Variants in NEDD9 observed in about 807,000 individuals in gnomAD.
NEDD9 encodes the protein enhancer of filamentation 1.
NEDD9 carries 26 observed loss-of-function variants against 76.6 expected under a neutral mutation model. The ratio of observed to expected loss-of-function variants is 0.34; its 90% CI spans 0.25 to 0.47. The LOEUF (loss-of-function observed/expected upper bound fraction) is 0.47. Ranked by LOEUF, NEDD9 falls within the 20% of genes least tolerant of loss-of-function variation. The pLI is 1.00. For synonymous variants in NEDD9, 392 were observed against 414.2 expected (o/e 0.95, Z 0.65); for missense variants, 937 against 1,058.5 (o/e 0.89, Z 1.59).
chr6:11,233,779 T>C (rs997153799), upstream of NEDD9, among the ~76,000 whole-genome samples: 13 of 152,140 alleles, frequency 8.5e-5, no homozygotes, highest in African/African-American at 2.9e-4. Flanking sequence ...AAAAATTCCT[T>C]TTTCCCGGGC....
intron 1 of NEDD9, among the ~76,000 whole-genome samples, chr6:11,339,795 C>A (rs1238862420): frequency 6.6e-6 from 1 of 152,192 alleles, no homozygotes; most frequent in South Asian, 2.1e-4. Flanking sequence ...ATTTCTAGAA[C>A]CTTTCTTAAA....
chr6:11,347,357 G>A (rs1762381919), intron 1 of NEDD9, among the ~76,000 whole-genome samples: 1 of 152,152 alleles, frequency 6.6e-6, no homozygotes, highest in African/African-American at 2.4e-5. Context: ...GATGTACAAA[G>A]AAGAGCTGGT....
chr6:11,256,729 G>T (rs968864838), intron 3 of NEDD9, among the ~76,000 whole-genome samples: 1 of 152,196 alleles, frequency 6.6e-6, no homozygotes, highest in Non-Finnish European at 1.5e-5. Context: ...CTCCCAAAGT[G>T]CTGGGATTAC....
intron 3 of NEDD9, among the ~76,000 whole-genome samples, chr6:11,273,919 A>G (rs1561812986): frequency 6.6e-6 from 1 of 152,202 alleles, no homozygotes. Flanking sequence ...TCCCAAGTCG[A>G]GCAAAGAAAT....
chr6:11,185,708 G>A (rs1320937648), intron 6 of NEDD9, 37 bp from the exon 7 acceptor site: 6 of 1,606,680 alleles, frequency 3.7e-6, no homozygotes, highest in African/African-American at 2.7e-5. Flanking sequence ...ATTAGAGCAA[G>A]GGAGTGTGTT....
chr6:11,310,266 C>A (rs774457023), intron 2 of NEDD9, among the ~76,000 whole-genome samples: 27 of 152,176 alleles, frequency 1.8e-4, no homozygotes, highest in Non-Finnish European at 2.8e-4. Context: ...GGGGCATGAG[C>A]AGGCCTCTTC....
intron 1 of NEDD9, among the ~76,000 whole-genome samples, chr6:11,381,145 C>T (rs1214055480): frequency 6.6e-6 from 1 of 152,198 alleles, no homozygotes; most frequent in African/African-American, 2.4e-5. Context: ...CGAAAGTAAC[C>T]AAGCTTGGAA....
At chr6:11,226,982 T>G in intron 1 of NEDD9, among the ~76,000 whole-genome samples, 1 of 152,320 alleles carries the variant, frequency 6.6e-6, no homozygotes, top group African/African-American at 2.4e-5. Context: ...GCCCATGTTT[T>G]TTGTTGTTGT....
chr6:11,319,488 A>C (rs1279033654), intron 2 of NEDD9, among the ~76,000 whole-genome samples: 1 of 149,270 alleles, frequency 6.7e-6, no homozygotes, highest in Non-Finnish European at 1.5e-5. Context: ...ACAAGCAAAT[A>C]ATCACACACT....
At position 11,372,749 on chromosome 6, in the gene NEDD9, T is replaced by C. The variant is rs561455326; in HGVS notation, c.-214+9390A>G. ...TGATTTGCATTTCTCTGAGGATCAG[T>C]GATGTTGAGCACCTATTCATATACC... On this transcript the variant is annotated intron_variant, in intron 1 of 3. Transcript: ENST00000397378. Among the ~76,000 whole-genome samples the C allele has an allele frequency of 2.0e-3, 301 of 152,348 alleles. 1 individual carries two copies. The highest frequency in any genetic ancestry group is 3.4e-3 in the Non-Finnish European group (229 of 68,028).
At chr6:11,349,748 AAC>A (rs1762429233) in intron 1 of NEDD9, among the ~76,000 whole-genome samples, 1 of 152,188 alleles carries the variant, frequency 6.6e-6, no homozygotes, top group African/African-American at 2.4e-5. Flanking sequence ...GTGGGGAAAC[AAC>A]ACACACTGGG....
upstream of NEDD9, among the ~76,000 whole-genome samples, chr6:11,236,852 A>G (rs1011209779): frequency 5.9e-5 from 9 of 152,222 alleles, no homozygotes; most frequent in Admixed American, 5.2e-4. This position sits in a 1 kb window ranked among gnomAD's most constrained non-coding sequence, Gnocchi z 5.5. Flanking sequence ...TTAACAAGCA[A>G]AATCTGGACA....
At chr6:11,217,479 T>C (rs966824499) in intron 1 of NEDD9, among the ~76,000 whole-genome samples, 1 of 152,238 alleles carries the variant, frequency 6.6e-6, no homozygotes, top group Non-Finnish European at 1.5e-5. Context: ...AAGAGAGCTA[T>C]GTAACTCTAT....
chr6:11,327,050 G>C (rs1346654035), intron 2 of NEDD9, among the ~76,000 whole-genome samples: 1 of 152,176 alleles, frequency 6.6e-6, no homozygotes, highest in African/African-American at 2.4e-5. Flanking sequence ...TTTCTTTTGA[G>C]AGCGACAGGG....
chr6:11,364,020 T>C (rs759222254), intron 1 of NEDD9, among the ~76,000 whole-genome samples: 1 of 152,290 alleles, frequency 6.6e-6, no homozygotes, highest in South Asian at 2.1e-4. Flanking sequence ...TCTGGGAACA[T>C]GTGAGGGGTT....
intron 3 of NEDD9, among the ~76,000 whole-genome samples, chr6:11,293,621 T>C (rs536059121): frequency 6.6e-6 from 1 of 151,924 alleles, no homozygotes; most frequent in South Asian, 2.1e-4. Context: ...TGACCGTCTA[T>C]GTGTGTGTGT....
rs552074788 is a variant in NEDD9 at position 11,211,287 on chromosome 6, C to G, written c.459+1994G>C. On this transcript the variant is annotated intron_variant, in intron 2 of 6. Transcript: ENST00000379446. Reference sequence around the variant, plus strand: ...AAGGACGGGGAGCCATGGGGAAAGCCTGCAGGGCAGTCCCAGCAGATACAA... The same window carrying G: ...AAGGACGGGGAGCCATGGGGAAAGCGTGCAGGGCAGTCCCAGCAGATACAA... Among the ~76,000 whole-genome samples, 18 of 152,322 alleles carry G rather than the reference C, an allele frequency of 1.2e-4. No homozygotes were observed. The East Asian group carries it at 3.5e-3, about 29-fold the overall frequency.
chr6:11,304,510 T>A (rs989209692), intron 3 of NEDD9, among the ~76,000 whole-genome samples: 2 of 152,354 alleles, frequency 1.3e-5, no homozygotes, highest in South Asian at 4.1e-4. Flanking sequence ...TGCACACGTA[T>A]GTTTATTGGG....
At chr6:11,205,252 G>A (rs943020955) in intron 2 of NEDD9, among the ~76,000 whole-genome samples, 1 of 152,184 alleles carries the variant, frequency 6.6e-6, no homozygotes, top group Non-Finnish European at 1.5e-5. Flanking sequence ...ACCTCACGAG[G>A]CTGTGGAGAG....
Sources: allele counts gnomAD v4.1 joint callset (sites outside exome capture counted in the v4.1 genomes callset), GRCh38; gene constraint gnomAD v4.1.1; non-coding constraint Gnocchi (gnomAD v3.1); transcripts MANE v1.5; gene names NCBI Gene and HGNC (gene_info 2026-07-23, HGNC 2026-07-21).